FBXW9: variants seen among roughly 807,000 people sequenced by gnomAD.
The protein encoded by FBXW9 is F-box/WD repeat-containing protein 9.
A neutral mutation model predicts 55.8 loss-of-function variants in FBXW9; 38 were observed. The observed-to-expected ratio is 0.68, with a 90% CI of 0.53 to 0.89. FBXW9 has a LOEUF of 0.89. FBXW9 is among the 40% of genes least tolerant of loss of function. The pLI, the probability that FBXW9 is intolerant of heterozygous loss-of-function variation, is 0.00. For missense variants in FBXW9, 590 were observed against 619.4 expected (o/e 0.95, Z 0.50); for synonymous variants, 289 against 278.2 (o/e 1.04, Z -0.38).
Position 12,689,629 on chromosome 19 carries a change from G to T in FBXW9, c.1148C>A (p.Ser383Tyr). ...GGGAAAGCTGTGGCCCACATCAAAG[G>T]ACTGCAGGAGGAGGATCAGGCAACA... ...NRNGCFQLIR[S>Y]FDVGHSFPIT... is the part of the protein sequence containing the mutation. Residue 383 changes from serine to tyrosine, a missense_variant and splice_region_variant, in exon 8 of 10, where the codon TCC becomes TAC. Transcript: ENST00000393261. This position sits in a 1 kb window ranked among gnomAD's most constrained non-coding sequence, Gnocchi z 5.9. 1.2e-6 allele frequency: 2 copies of T among 1,614,016 alleles called. No individual in the cohort carries two copies. The highest frequency in any genetic ancestry group is 2.2e-5 in the South Asian group (2 of 91,066).
chr19:12,689,601 G>A lies in FBXW9; in HGVS notation c.1176C>T (p.Ile392=). 1 of 1,614,116 alleles carries A rather than the reference G, an allele frequency of 6.2e-7. No homozygotes were observed. Among genetic ancestry groups the A allele is most frequent in the Non-Finnish European group, 8.5e-7 (1 of 1,180,002 alleles). ...RSFDVGHSFP[I]TGIQYSVGAL... Reference sequence around the variant, plus strand: ...CTCCCACGGAGTACTGGATCCCAGTGATGGGAAAGCTGTGGCCCACATCAA... The same window carrying A: ...CTCCCACGGAGTACTGGATCCCAGTAATGGGAAAGCTGTGGCCCACATCAA... Residue 392 remains isoleucine, a synonymous_variant, in exon 8 of 10, where the codon ATC becomes ATT. Transcript: ENST00000393261. This position sits in a 1 kb window ranked among gnomAD's most constrained non-coding sequence, Gnocchi z 5.9.
In FBXW9 at chr19:12,696,358, C is replaced by T; in HGVS notation, c.224G>A (p.Ser75Asn). ...PRAASRVSAV[S>N]EPGLLSLPPE... The stretch of plus-strand genomic sequence containing the variant: ...GGGAAGGCTCAGAAGGCCCGGCTCA[C>T]TTACGGCCGAAACCCTGGACGCGGC... The change falls in exon 1 of 10, where the codon AGT becomes AAT. Residue 75 changes from serine to asparagine, a missense_variant. Physicochemically the swap from Ser to Asn is conservative, Grantham distance 46. Transcript: ENST00000393261. 1 of 1,606,424 alleles carries T rather than the reference C, an allele frequency of 6.2e-7. No individual in the cohort carries two copies. The highest frequency in any genetic ancestry group is 8.5e-7 in the Non-Finnish European group (1 of 1,177,200).
At position 12,690,016 on chromosome 19, in the gene FBXW9, G is replaced by A. The variant is rs2024983935; in HGVS notation, c.978C>T (p.Asp326=). 1.2e-6 allele frequency: 2 copies of A among 1,614,020 alleles called. No homozygotes were observed. The highest frequency in any genetic ancestry group is 1.7e-6 in the Non-Finnish European group (2 of 1,180,016). Residue 326 remains aspartate (D), a synonymous_variant, in exon 6 of 10, where the codon GAC becomes GAT. Transcript: ENST00000393261. ...DDRHIISGSE[D]HTLVVVDRRA... is the part of the protein sequence containing the mutation. ...GGCGGTCCACCACCACCAGGGTGTG[G>A]TCCTCGCTGCCTGAGATGATGTGCC...
At chr19:12,693,526 AAAAATATATAT>A (rs2025032627) in intron 3 of FBXW9, among the ~76,000 whole-genome samples, 1 of 19,488 alleles carries the variant, frequency 5.1e-5, no homozygotes, top group Non-Finnish European at 1.1e-4. Flanking sequence ...AAAAAAAAAA[AAAAATATATAT>A]ATATATATAT....
chr19:12,689,895 G>A lies in FBXW9; in HGVS notation c.1033-21C>T, dbSNP rs541851518. ...TCCAGCTACGAGAGGGACAAGGGAC[G>A]GGACAGCTCAGGCCGGGCTGGGCCT... On this transcript the variant is annotated intron_variant, in intron 6 of 9. Coordinates refer to ENST00000393261, the MANE Select transcript of FBXW9 (RefSeq NM_032301.3). This position sits in a 1 kb window ranked among gnomAD's most constrained non-coding sequence, Gnocchi z 5.9. 1.1e-5 allele frequency: 18 copies of A among 1,613,140 alleles called. No individual in the cohort carries two copies. The highest frequency in any genetic ancestry group is 9.9e-5 in the South Asian group (9 of 91,060).
chr19:12,690,566 G>A (rs996459312), intron 5 of FBXW9, among the ~76,000 whole-genome samples: 5 of 152,018 alleles, frequency 3.3e-5, no homozygotes, highest in African/African-American at 7.3e-5. Flanking sequence ...CAGATCATCC[G>A]AGCCCAGGAG....
At position 12,696,510 on chromosome 19, in the gene FBXW9, T is replaced by G. The variant is rs1188011127; in HGVS notation, c.72A>C (p.Thr24=). The G allele has an allele frequency of 1.9e-6, 3 of 1,612,734 alleles. No homozygotes were observed. Among genetic ancestry groups the G allele is most frequent in the Admixed American group, 1.7e-5 (1 of 60,004 alleles). Residue 24 remains threonine, a synonymous_variant, in exon 1 of 10, where the codon ACA becomes ACC. Coordinates refer to ENST00000393261, the MANE Select transcript of FBXW9 (RefSeq NM_032301.3). ...WDDDSDPESE[T]DPDAQAKAYV... is the part of the protein sequence containing the mutation. ...AGGCCTTGGCCTGCGCGTCTGGGTCTGTCTCTGACTCTGGGTCCGAGTCAT... is the reference window on the plus strand; with the variant it reads ...AGGCCTTGGCCTGCGCGTCTGGGTCGGTCTCTGACTCTGGGTCCGAGTCAT...
chr19:12,692,873 G>C (rs891547530), intron 3 of FBXW9, among the ~76,000 whole-genome samples: 1 of 152,148 alleles, frequency 6.6e-6, no homozygotes, highest in African/African-American at 2.4e-5. Context: ...CAGCACCAGT[G>C]GTGGTTTGAA....
At chr19:12,691,528 G>T in intron 3 of FBXW9, 74 bp from the exon 4 acceptor site, 1 of 1,302,698 alleles carries the variant, frequency 7.7e-7, no homozygotes, top group Non-Finnish European at 1.1e-6. Flanking sequence ...TTCTGTTTTT[G>T]CAGGTAAGGC....
intron 3 of FBXW9, among the ~76,000 whole-genome samples, chr19:12,692,064 CTTT>C (rs34416243): frequency 7.1e-6 from 1 of 141,776 alleles, no homozygotes; most frequent in African/African-American, 2.6e-5. Context: ...CCCAGGAACT[CTTT>C]TTTTTTTTTT....
At chr19:12,692,507 T>G (rs1599395160) in intron 3 of FBXW9, among the ~76,000 whole-genome samples, 1 of 150,126 alleles carries the variant, frequency 6.7e-6, no homozygotes, top group African/African-American at 2.5e-5. Flanking sequence ...ATTACAGGCG[T>G]GAGCCACTGC....
At position 12,694,610 on chromosome 19, in the gene FBXW9, C is replaced by T. The variant is rs117566511; in HGVS notation, c.662G>A (p.Arg221Gln). ...QVLIKTLGTK[R>Q]NSTHEGWVWS... Reference sequence around the variant, plus strand: ...ACTCCTCACCTCATGGGTACTATTTCGCTTAGTGCCTAAGGTCTTGATCAG... The same window carrying T: ...ACTCCTCACCTCATGGGTACTATTTTGCTTAGTGCCTAAGGTCTTGATCAG... The change falls in exon 3 of 10, where the codon CGA becomes CAA. Residue 221 changes from arginine to glutamine, a missense_variant. Physicochemically the swap from Arg to Gln is conservative, Grantham distance 43. Transcript: ENST00000393261. 0.022 allele frequency: 35,635 copies of T among 1,614,120 alleles called. 442 individuals carry two copies. The highest frequency in any genetic ancestry group is 0.025 in the Non-Finnish European group (29,760 of 1,179,966).
rs761060479 is a variant in FBXW9, at chr19:12,696,478, G to C, written c.104C>G (p.Ala35Gly). Residue 35 changes from alanine (A) to glycine (G), a missense_variant, in exon 1 of 10, where the codon GCC becomes GGC. Coordinates refer to ENST00000393261, the MANE Select transcript of FBXW9 (RefSeq NM_032301.3). ...DPDAQAKAYVARVLSPPKSGL... is the reference protein window; with the variant it reads ...DPDAQAKAYVGRVLSPPKSGL... Reference sequence around the variant, plus strand: ...GGATTTTGGCGGACTGAGAACGCGGGCCACGTAGGCCTTGGCCTGCGCGTC... The same window carrying C: ...GGATTTTGGCGGACTGAGAACGCGGCCCACGTAGGCCTTGGCCTGCGCGTC... 5.0e-6 allele frequency: 8 copies of C among 1,612,730 alleles called. No homozygotes were observed. Among genetic ancestry groups the C allele is most frequent in the Non-Finnish European group, 6.8e-6 (8 of 1,179,942 alleles).
rs553892898 is a variant in FBXW9 at position 12,696,135 on chromosome 19, C to CCCCCGGCCCCCGGT, written c.409+24_409+37dup. 19 of 1,493,296 alleles carry CCCCCGGCCCCCGGT rather than the reference C, an allele frequency of 1.3e-5. No individual in the cohort carries two copies. In the African/African-American group the frequency reaches 1.4e-4, roughly 11 times the overall value. The allele number at this position is 1,493,296 out of a possible 1,614,324, so 92.5% of individuals were successfully genotyped here. On this transcript the variant is annotated intron_variant, in intron 1 of 9. Coordinates refer to ENST00000393261, the MANE Select transcript of FBXW9 (RefSeq NM_032301.3). ...GCCCCAAGCCTGACCTGGGCGGGCG[C>CCCCCGGCCCCCGGT]CCCCGGCCCCCGGTCCCCGGCCCCC...
In FBXW9 at chr19:12,689,578, C is replaced by T. The variant is rs2024973857; in HGVS notation, c.1199G>A (p.Gly400Glu). The change falls in exon 8 of 10, where the codon GGA (glycine) becomes GAA (glutamate). Residue 400 changes from glycine to glutamate, a missense_variant. Transcript: ENST00000393261. The surrounding 1 kb of genome is among the most constrained non-coding windows in gnomAD (Gnocchi z 5.9). ...FPITGIQYSV[G>E]ALYTTSTDKT... ...GTCAGTGGATGTGGTGTACAAGGCT[C>T]CCACGGAGTACTGGATCCCAGTGAT... is the stretch of plus-strand genomic sequence containing the variant. 1 of 1,613,954 alleles carries T rather than the reference C, an allele frequency of 6.2e-7. No homozygotes were observed. Among genetic ancestry groups the T allele is most frequent in the African/African-American group, 1.3e-5 (1 of 74,870 alleles).
At chr19:12,691,944 C>T (rs567072085) in intron 3 of FBXW9, among the ~76,000 whole-genome samples, 75 of 151,952 alleles carry the variant, frequency 4.9e-4, no homozygotes, top group South Asian at 1.0e-3. Flanking sequence ...TTAGTAGAGA[C>T]GGGGTTTCAC....
chr19:12,694,762 G>A, intron 2 of FBXW9, 37 bp downstream of exon 2: 1 of 1,613,848 alleles, frequency 6.2e-7, no homozygotes, highest in Non-Finnish European at 8.5e-7. Context: ...GGCCACCCTG[G>A]CCCACCCTGC....
rs1006054260 is a variant in FBXW9 at position 12,694,865 on chromosome 19, G to C, written c.483C>G (p.Arg161=). The C allele has an allele frequency of 1.9e-6, 3 of 1,614,030 alleles. No individual in the cohort carries two copies. In the African/African-American group the frequency reaches 4.0e-5, roughly 22 times the overall value. ...CGGCCAGGCAGAAGTATTCGACCCA[G>C]CGCCCATCCTCTGCCCAGCGGGACA... ...QHLSRWAEDG[R]WVEYFCLAEG... Residue 161 remains arginine, a synonymous_variant, in exon 2 of 10, where the codon CGC becomes CGG. Coordinates refer to ENST00000393261, the MANE Select transcript of FBXW9 (RefSeq NM_032301.3).
In FBXW9 at chr19:12,689,708, G is replaced by A. The variant is rs1331003758; in HGVS notation, c.1146+53C>T. 6.8e-6 allele frequency: 11 copies of A among 1,607,194 alleles called. No homozygotes were observed. The highest frequency in any genetic ancestry group is 9.4e-6 in the Non-Finnish European group (11 of 1,174,304). On this transcript the variant is annotated intron_variant, in intron 7 of 9. Transcript: ENST00000393261. The surrounding 1 kb of genome is among the most constrained non-coding windows in gnomAD (Gnocchi z 5.9). The stretch of plus-strand genomic sequence containing the variant: ...CTCCCCCACACCACCAGGGGCTCGG[G>A]TAGGAAGGAAGCCCGGGGGGAGGGA...
Sources: gnomAD v4.1 joint callset for allele counts (sites outside exome capture counted in the v4.1 genomes callset) on GRCh38, gnomAD v4.1.1 for gene constraint, Gnocchi (gnomAD v3.1) non-coding constraint, MANE v1.5 for transcripts, NCBI Gene and HGNC (gene_info 2026-07-23, HGNC 2026-07-21) for gene names.